The following CACNG3 variants were observed in gnomAD, a reference collection of about 807,000 sequenced individuals.
CACNG3 encodes the protein voltage-dependent calcium channel gamma-3 subunit.
CACNG3 carries 3 observed loss-of-function variants against 28.5 expected under a neutral mutation model. The observed-to-expected ratio is 0.11, with a 90% CI of 0.05 to 0.27. The LOEUF is 0.27. CACNG3 is among the 10% of genes least tolerant of loss of function. CACNG3 has a pLI of 1.00. For synonymous variants in CACNG3, 174 were observed against 162.2 expected (o/e 1.07, Z -0.55); for missense variants, 236 against 414.4 (o/e 0.57, Z 3.74).
chr16:24,354,730 C>T (rs565794515), intron 2 of CACNG3, 103 bp from the exon 3 acceptor site: 56 of 1,190,276 alleles, frequency 4.7e-5, no homozygotes, highest in Admixed American at 1.1e-4. Flanking sequence ...GGGCTCTGTT[C>T]TCTTCCTGTG....
At chr16:24,282,271 C>T (rs1286644383) in intron 1 of CACNG3, among the ~76,000 whole-genome samples, 1 of 152,118 alleles carries the variant, frequency 6.6e-6, no homozygotes, top group Non-Finnish European at 1.5e-5. Context: ...GCCGCCTTTT[C>T]TAGTCATGCA....
At chr16:24,258,337 G>A (rs2299671) in intron 1 of CACNG3, among the ~76,000 whole-genome samples, 40,239 of 152,070 alleles carry the variant, frequency 0.26, 5,484 homozygotes, top group Admixed American at 0.35. Context: ...CAACTGGTGG[G>A]AAGCCCAGGT....
At chr16:24,311,412 G>A (rs969966025) in intron 1 of CACNG3, among the ~76,000 whole-genome samples, 3 of 152,046 alleles carry the variant, frequency 2.0e-5, no homozygotes, top group African/African-American at 7.2e-5. Flanking sequence ...AGGAGGCTGA[G>A]GCAGGAGAAT....
chr16:24,326,174 CTTTTTT>C (rs58752966), intron 1 of CACNG3, among the ~76,000 whole-genome samples: 4 of 141,024 alleles, frequency 2.8e-5, no homozygotes, highest in South Asian at 4.5e-4. Flanking sequence ...TTTCTTTTTT[CTTTTTT>C]TTTTTTTTGA....
intron 2 of CACNG3, among the ~76,000 whole-genome samples, chr16:24,353,883 A>G (rs1334747165): frequency 6.6e-6 from 1 of 152,130 alleles, no homozygotes; most frequent in Non-Finnish European, 1.5e-5. Context: ...TGCAGGGTCC[A>G]GTGTGAAATG....
chr16:24,331,012 C>T (rs1899624543), intron 1 of CACNG3, among the ~76,000 whole-genome samples: 1 of 152,102 alleles, frequency 6.6e-6, no homozygotes, highest in South Asian at 2.1e-4. Context: ...TTATAGTTGT[C>T]ATTCTCTCTG....
chr16:24,346,582 A>G, intron 1 of CACNG3, 152 bp from the exon 2 acceptor site: 3 of 592,464 alleles, frequency 5.1e-6, no homozygotes, highest in Non-Finnish European at 9.2e-6. Flanking sequence ...TGTCTCTAAT[A>G]AAAAATAAAG....
chr16:24,293,904 G>GA (rs1173570173), intron 1 of CACNG3, among the ~76,000 whole-genome samples: 1 of 151,750 alleles, frequency 6.6e-6, no homozygotes, highest in Non-Finnish European at 1.5e-5. Context: ...AAATATGGGT[G>GA]AAAAAAAATA....
At chr16:24,324,576 C>T (rs1225009688) in intron 1 of CACNG3, among the ~76,000 whole-genome samples, 1 of 152,162 alleles carries the variant, frequency 6.6e-6, no homozygotes, top group Admixed American at 6.5e-5. Flanking sequence ...ATTGCCCCCA[C>T]CCCAGATCAT....
chr16:24,270,838 G>A (rs987269971), intron 1 of CACNG3, among the ~76,000 whole-genome samples: 1 of 152,182 alleles, frequency 6.6e-6, no homozygotes, highest in Admixed American at 6.5e-5. Context: ...TCTCTGAGAA[G>A]GTGACATTTA....
intron 1 of CACNG3, among the ~76,000 whole-genome samples, chr16:24,265,484 AAG>A (rs776972925): frequency 2.8e-5 from 4 of 144,758 alleles, no homozygotes; most frequent in Non-Finnish European, 6.2e-5. Flanking sequence ...GAGAGAGAGA[AAG>A]AGAAAGAAGG....
chr16:24,307,692 A>G (rs1429109000), intron 1 of CACNG3, among the ~76,000 whole-genome samples: 1 of 152,086 alleles, frequency 6.6e-6, no homozygotes, highest in Non-Finnish European at 1.5e-5. Flanking sequence ...TCTCTCCATC[A>G]TGCACCCAAC....
At position 24,266,686 on chromosome 16, in the gene CACNG3, C is replaced by G. The variant is rs985702758; in HGVS notation, c.211+9721C>G. On this transcript the variant is annotated intron_variant, in intron 1 of 3. Transcript: ENST00000005284. Reference sequence around the variant, plus strand: ...TTTTGTGGGTCTGCTGAAGCTTTTTCTAAAATGGTGCAGATGAATGACAAT... The same window carrying G: ...TTTTGTGGGTCTGCTGAAGCTTTTTGTAAAATGGTGCAGATGAATGACAAT... 2.6e-5 allele frequency among the ~76,000 whole-genome samples: 4 copies of G among 152,314 alleles called. No homozygotes were observed. The South Asian group carries it at 6.2e-4, about 24-fold the overall frequency.
At chr16:24,312,302 A>G (rs1899274501) in intron 1 of CACNG3, among the ~76,000 whole-genome samples, 1 of 152,126 alleles carries the variant, frequency 6.6e-6, no homozygotes, top group South Asian at 2.1e-4. Context: ...CTCCCCATCT[A>G]TGCTCCTTTT....
At chr16:24,277,429 A>G (rs942789229) in intron 1 of CACNG3, among the ~76,000 whole-genome samples, 2 of 152,150 alleles carry the variant, frequency 1.3e-5, no homozygotes, top group Admixed American at 1.3e-4. Context: ...CCTACAACAC[A>G]GCATTACCCA....
chr16:24,299,135 C>T (rs1261824982), intron 1 of CACNG3, among the ~76,000 whole-genome samples: 1 of 152,112 alleles, frequency 6.6e-6, no homozygotes, highest in African/African-American at 2.4e-5. Context: ...GCTTCACTTC[C>T]TTGAGGGGGC....
chr16:24,267,885 G>C (rs1898636275), intron 1 of CACNG3, among the ~76,000 whole-genome samples: 1 of 152,042 alleles, frequency 6.6e-6, no homozygotes, highest in Non-Finnish European at 1.5e-5. Flanking sequence ...TGACCAGGCT[G>C]GTCTCGAACT....
Position 24,362,096 on chromosome 16 carries a change from G to A in CACNG3, c.*233G>A, listed in dbSNP as rs1402002781. 1 of 432,980 alleles carries A rather than the reference G, an allele frequency of 2.3e-6. No individual in the cohort carries two copies. The highest frequency in any genetic ancestry group is 4.1e-6 in the Non-Finnish European group (1 of 246,348). The allele number at this position is 432,980 out of a possible 1,614,324, so 26.8% of individuals were successfully genotyped here. ...ATGTCATTCCTCTCTCTGTGTATCT[G>A]TGCCAGATGTTTTCCTTTCTTCCTT... On this transcript the variant is annotated 3_prime_UTR_variant, in exon 4 of 4. Coordinates refer to ENST00000005284, the MANE Select transcript of CACNG3 (RefSeq NM_006539.4).
chr16:24,256,941 C>T lies in CACNG3; in HGVS notation c.187C>T (p.Leu63=), dbSNP rs747021432. Residue 63 remains leucine (L), a synonymous_variant, in exon 1 of 4, where the codon CTG becomes TTG. Transcript: ENST00000005284. The surrounding 1 kb of genome is among the most constrained non-coding windows in gnomAD (Gnocchi z 4.6). ...KNEEVMTHSG[L]WRTCCLEGAF... ...TGAAGAAGTAATGACCCATTCGGGGCTGTGGAGGACCTGCTGCCTAGAAGG... is the reference window on the plus strand; with the variant it reads ...TGAAGAAGTAATGACCCATTCGGGGTTGTGGAGGACCTGCTGCCTAGAAGG... 1.1e-5 allele frequency: 17 copies of T among 1,612,038 alleles called. No homozygotes were observed. In the South Asian group the frequency reaches 1.5e-4, roughly 15 times the overall value.
Sources: gnomAD v4.1 joint callset for allele counts (sites outside exome capture counted in the v4.1 genomes callset) on GRCh38, gnomAD v4.1.1 for gene constraint, Gnocchi (gnomAD v3.1) non-coding constraint, MANE v1.5 for transcripts, NCBI Gene and HGNC (gene_info 2026-07-23, HGNC 2026-07-21) for gene names.